The following PTPRN2 variants were observed in gnomAD, a reference collection of about 807,000 sequenced individuals.
The protein encoded by PTPRN2 is receptor-type tyrosine-protein phosphatase N2.
PTPRN2 carries 74 observed loss-of-function variants against 118.8 expected under a neutral mutation model. The observed-to-expected ratio is 0.62, with a 90% CI of 0.52 to 0.76. PTPRN2 has a LOEUF of 0.76. PTPRN2 is among the 30% of genes least tolerant of loss of function. The pLI is 0.00. For missense variants in PTPRN2, 1,481 were observed against 1,394.4 expected, an observed-to-expected ratio of 1.06 and a Z score of -0.99; for synonymous variants, 641 against 608.0, an observed-to-expected ratio of 1.05 and a Z score of -0.80.
chr7:158,289,697 T>C (rs1373904833), intron 3 of PTPRN2, among the ~76,000 whole-genome samples: 1 of 152,114 alleles, frequency 6.6e-6, no homozygotes, highest in East Asian at 1.9e-4. Context: ...TTGTGGTTTT[T>C]GGTGGTGTTG....
intron 2 of PTPRN2, among the ~76,000 whole-genome samples, chr7:158,328,152 G>A (rs960305631): frequency 6.6e-6 from 1 of 152,202 alleles, no homozygotes; most frequent in South Asian, 2.1e-4. Flanking sequence ...CATTCTCAGG[G>A]AGTAGAAACT....
At chr7:158,129,741 C>A (rs1376931375) in intron 9 of PTPRN2, among the ~76,000 whole-genome samples, 1 of 152,218 alleles carries the variant, frequency 6.6e-6, no homozygotes, top group Non-Finnish European at 1.5e-5. Flanking sequence ...GCAGGCGCCT[C>A]CCCTTGGCTC....
At position 158,525,530 on chromosome 7, in the gene PTPRN2, G is replaced by A. The variant is rs1563396477; in HGVS notation, c.113-35745C>T. Among the ~76,000 whole-genome samples the A allele has an allele frequency of 6.6e-6, 1 of 152,218 alleles. No individual in the cohort carries two copies. The highest frequency in any genetic ancestry group is 1.5e-5 in the Non-Finnish European group (1 of 68,042). ...GAAATCCTGAGCTGGGGCCACCCCAGCCTCCCTGGCCCAGAACAGGCGCTC... is the reference window on the plus strand; with the variant it reads ...GAAATCCTGAGCTGGGGCCACCCCAACCTCCCTGGCCCAGAACAGGCGCTC... On this transcript the variant is annotated intron_variant, in intron 1 of 22. Coordinates refer to ENST00000389418, the MANE Select transcript of PTPRN2 (RefSeq NM_002847.5). The surrounding 1 kb of genome is among the most constrained non-coding windows in gnomAD (Gnocchi z 4.1).
At chr7:157,661,405 C>A (rs1795879650) in intron 13 of PTPRN2, among the ~76,000 whole-genome samples, 1 of 152,274 alleles carries the variant, frequency 6.6e-6, no homozygotes, top group African/African-American at 2.4e-5. Flanking sequence ...CACAGCAAGG[C>A]AACGCGCGGC....
At chr7:158,181,084 T>TGGGTTTATCTTAC (rs1824664218) in intron 5 of PTPRN2, among the ~76,000 whole-genome samples, 1 of 151,986 alleles carries the variant, frequency 6.6e-6, no homozygotes, top group Admixed American at 6.6e-5. Flanking sequence ...GTTTATCATA[T>TGGGTTTATCTTAC]ATGGCTTTTA....
At chr7:158,157,040 T>C (rs536186310) in intron 6 of PTPRN2, among the ~76,000 whole-genome samples, 1 of 151,932 alleles carries the variant, frequency 6.6e-6, no homozygotes, top group East Asian at 1.9e-4. Flanking sequence ...GCCTACCCAT[T>C]GTGCTTACAC....
rs56276927 is a variant in PTPRN2 at position 158,355,026 on chromosome 7, G to GA, written c.164-38095dup. Among the ~76,000 whole-genome samples, 32 of 149,746 alleles carry GA rather than the reference G, an allele frequency of 2.1e-4. No individual in the cohort carries two copies. The East Asian group carries it at 2.4e-3, about 11-fold the overall frequency. On this transcript the variant is annotated intron_variant, in intron 2 of 22. Coordinates refer to ENST00000389418, the MANE Select transcript of PTPRN2 (RefSeq NM_002847.5). ...GATGATACTTTCGGAGTCTTGAAAGGAAAAAAAAAAAAAATCTGTCACCCA... is the reference window on the plus strand; with the variant it reads ...GATGATACTTTCGGAGTCTTGAAAGGAAAAAAAAAAAAAAATCTGTCACCCA...
intron 12 of PTPRN2, among the ~76,000 whole-genome samples, chr7:157,704,709 G>T (rs971953787): frequency 6.6e-5 from 10 of 152,224 alleles, no homozygotes; most frequent in African/African-American, 2.4e-4. Flanking sequence ...GGAACCACTG[G>T]AGTCAGAAGC....
intron 2 of PTPRN2, among the ~76,000 whole-genome samples, chr7:158,487,519 C>A (rs1754794149): frequency 6.6e-6 from 1 of 152,060 alleles, no homozygotes; most frequent in African/African-American, 2.4e-5. Flanking sequence ...TATTAATAAC[C>A]TCTGTTGGGC....
Position 158,177,222 on chromosome 7 carries a change from T to C in PTPRN2, c.550-9931A>G, listed in dbSNP as rs78929372. ...CATTGCATTCCCCCTAATTTGAGAA[T>C]TTCTATGTCCTCATCAAGAGTTGGT... On this transcript the variant is annotated intron_variant, in intron 5 of 22. Coordinates refer to ENST00000389418, the MANE Select transcript of PTPRN2 (RefSeq NM_002847.5). Among the ~76,000 whole-genome samples, 648 of 152,332 alleles carry C rather than the reference T, an allele frequency of 4.3e-3. 15 individuals are homozygous for C. In the East Asian group the frequency reaches 0.06, roughly 14 times the overall value.
At chr7:158,104,246 C>T (rs1815480973) in intron 10 of PTPRN2, among the ~76,000 whole-genome samples, 1 of 152,186 alleles carries the variant, frequency 6.6e-6, no homozygotes, top group African/African-American at 2.4e-5. Flanking sequence ...CTCCCCAGAG[C>T]AGTCTGAGGC....
Position 158,171,248 on chromosome 7 carries a change from TAC to T in PTPRN2, c.550-3959_550-3958del, listed in dbSNP as rs1357193680. Among the ~76,000 whole-genome samples the T allele has an allele frequency of 1.6e-4, 22 of 134,156 alleles. 1 individual carries two copies. Among genetic ancestry groups the T allele is most frequent in the African/African-American group, 6.8e-4 (22 of 32,510 alleles). The allele number at this position is 134,156 out of a possible 152,430, so 88.0% of individuals were successfully genotyped here. ...ATACACACATATATATACACATATA[TAC>T]ACACATATATATACACACATATATA... On this transcript the variant is annotated intron_variant, in intron 5 of 22. Transcript: ENST00000389418.
chr7:158,279,835 A>C (rs1388771828), intron 3 of PTPRN2, among the ~76,000 whole-genome samples: 1 of 152,138 alleles, frequency 6.6e-6, no homozygotes, highest in African/African-American at 2.4e-5. Flanking sequence ...GCAGACACCG[A>C]GGCAGAGAAG....
At chr7:158,583,382 A>C (rs558845732) in intron 1 of PTPRN2, among the ~76,000 whole-genome samples, 5 of 152,208 alleles carry the variant, frequency 3.3e-5, no homozygotes. Flanking sequence ...TTCATAGCAC[A>C]CAGAGATTCC....
chr7:158,284,063 T>G (rs377077133), intron 3 of PTPRN2, among the ~76,000 whole-genome samples: 6 of 152,306 alleles, frequency 3.9e-5, no homozygotes, highest in African/African-American at 1.4e-4. Flanking sequence ...TTCGATGTCG[T>G]TGGATTTTCC....
intron 5 of PTPRN2, among the ~76,000 whole-genome samples, chr7:158,170,505 A>AT (rs1823441106): frequency 6.6e-6 from 1 of 152,238 alleles, no homozygotes; most frequent in African/African-American, 2.4e-5. Context: ...TAAACAATCT[A>AT]TTTTTGGTTT....
chr7:158,581,803 C>T (rs1252323688), intron 1 of PTPRN2, among the ~76,000 whole-genome samples: 3 of 152,230 alleles, frequency 2.0e-5, no homozygotes, highest in Non-Finnish European at 4.4e-5. Context: ...TCTCTCGTTT[C>T]TTTGTGTTAC....
intron 3 of PTPRN2, among the ~76,000 whole-genome samples, chr7:158,232,962 C>A (rs192108072): frequency 6.9e-4 from 105 of 152,202 alleles, no homozygotes; most frequent in African/African-American, 2.4e-3. Flanking sequence ...AAATCCACAG[C>A]TAACACCATA....
At chr7:157,623,621 C>CT (rs1803393869) in intron 14 of PTPRN2, among the ~76,000 whole-genome samples, 2 of 152,330 alleles carry the variant, frequency 1.3e-5, no homozygotes, top group East Asian at 1.9e-4. Context: ...AAATTACACT[C>CT]TAAGTTCTCT....
Sources: allele counts gnomAD v4.1 joint callset (sites outside exome capture counted in the v4.1 genomes callset), GRCh38; gene constraint gnomAD v4.1.1; non-coding constraint Gnocchi (gnomAD v3.1); transcripts MANE v1.5; gene names NCBI Gene and HGNC (gene_info 2026-07-23, HGNC 2026-07-21).